AGBL1: variants seen among roughly 807,000 people sequenced by gnomAD.
The protein encoded by AGBL1 is AGBL carboxypeptidase 1.
A neutral mutation model predicts 118.9 loss-of-function variants in AGBL1; 130 were observed. The observed-to-expected ratio is 1.09, with a 90% confidence interval of 0.95 to 1.26. The LOEUF (loss-of-function observed/expected upper bound fraction) is 1.26. Among genes scored for constraint, AGBL1 ranks in the 50% most tolerant of loss-of-function variants. The pLI is 0.00. For missense variants in AGBL1, 1,584 were observed against 1,298.1 expected (o/e 1.22, Z -3.38); for synonymous variants, 555 against 478.9 (o/e 1.16, Z -2.08).
At chr15:86,238,530 G>A (rs190035060) in intron 6 of AGBL1, among the ~76,000 whole-genome samples, 1 of 152,278 alleles carries the variant, frequency 6.6e-6, no homozygotes, top group East Asian at 1.9e-4. Flanking sequence ...TTTCAAACTA[G>A]CAATATTGAA....
At chr15:86,592,669 C>T (rs887754641) in intron 21 of AGBL1, among the ~76,000 whole-genome samples, 6 of 152,178 alleles carry the variant, frequency 3.9e-5, no homozygotes, top group Admixed American at 3.9e-4. Context: ...AACAGTTAAA[C>T]TTTGCCATTT....
intron 21 of AGBL1, among the ~76,000 whole-genome samples, chr15:86,637,731 T>A (rs961572890): frequency 6.6e-6 from 1 of 151,928 alleles, no homozygotes; most frequent in Non-Finnish European, 1.5e-5. Flanking sequence ...GCAGGTAGAA[T>A]CAACAAGACT....
chr15:86,485,787 A>G (rs1406260690), intron 18 of AGBL1, among the ~76,000 whole-genome samples: 2 of 152,132 alleles, frequency 1.3e-5, no homozygotes, highest in Non-Finnish European at 2.9e-5. Context: ...TTGCAGAGGT[A>G]TTCATTCAAA....
chr15:87,011,683 A>G (rs1403721000), intron 24 of AGBL1, among the ~76,000 whole-genome samples: 2 of 152,200 alleles, frequency 1.3e-5, no homozygotes, highest in Non-Finnish European at 2.9e-5. Flanking sequence ...GAGGTGAGAT[A>G]GCTCTCCACT....
At chr15:86,114,033 A>G (rs1355473612) in intron 1 of AGBL1, among the ~76,000 whole-genome samples, 1 of 152,244 alleles carries the variant, frequency 6.6e-6, no homozygotes, top group Admixed American at 6.5e-5. Context: ...TTGAAATAAA[A>G]TATGTGAGTT....
chr15:86,281,644 A>G (rs2079356884), intron 16 of AGBL1, among the ~76,000 whole-genome samples: 2 of 152,142 alleles, frequency 1.3e-5, no homozygotes, highest in South Asian at 4.1e-4. Context: ...AAGAACTGAG[A>G]CCGGAAGTCC....
rs528336717 is a variant in AGBL1 at position 87,028,695 on chromosome 15, T to C, written c.3324-130T>C. ...TCTCTAATCTAAATGTAAGTATGAT[T>C]GTTTATAATCCATAGATGAGGAAAA... is the stretch of plus-strand genomic sequence containing the variant. On this transcript the variant is annotated intron_variant, in intron 24 of 24. Transcript: ENST00000441037. The C allele has an allele frequency of 5.1e-5, 38 of 748,608 alleles. No individual in the cohort carries two copies. In the African/African-American group the frequency reaches 6.1e-4, roughly 12 times the overall value. 46.4% of individuals were successfully genotyped at this position (748,608 alleles called of 1,614,324 possible).
At chr15:86,817,403 T>C (rs980323593) in intron 22 of AGBL1, among the ~76,000 whole-genome samples, 1 of 151,274 alleles carries the variant, frequency 6.6e-6, no homozygotes, top group Non-Finnish European at 1.5e-5. Flanking sequence ...ATGACAGCGA[T>C]GTTGTGGGTT....
At chr15:86,654,214 A>G (rs1489509003) in intron 21 of AGBL1, among the ~76,000 whole-genome samples, 2 of 152,172 alleles carry the variant, frequency 1.3e-5, no homozygotes, top group Non-Finnish European at 2.9e-5. Flanking sequence ...GTCTTTGGTC[A>G]TCTGGATCAC....
intron 23 of AGBL1, among the ~76,000 whole-genome samples, chr15:86,986,884 G>C (rs2081289352): frequency 6.6e-6 from 1 of 152,122 alleles, no homozygotes. Context: ...CAGGCGGGCT[G>C]AGTCTGAAAA....
chr15:86,439,503 A>G (rs907894292), intron 18 of AGBL1, among the ~76,000 whole-genome samples: 6 of 152,120 alleles, frequency 3.9e-5, no homozygotes, highest in Admixed American at 2.0e-4. Context: ...TCATTTTTTT[A>G]TTCTCCAAGG....
At chr15:86,663,555 A>C (rs572801813) in intron 21 of AGBL1, among the ~76,000 whole-genome samples, 1 of 152,260 alleles carries the variant, frequency 6.6e-6, no homozygotes, top group Admixed American at 6.5e-5. Flanking sequence ...CAGTGGTCAC[A>C]ACAGCAAAGG....
chr15:86,381,967 A>G lies in AGBL1; in HGVS notation c.2375-15399A>G, dbSNP rs147230666. Among the ~76,000 whole-genome samples, 20 of 152,268 alleles carry G rather than the reference A, an allele frequency of 1.3e-4. No homozygotes were observed. The East Asian group carries it at 2.5e-3, about 19-fold the overall frequency. On this transcript the variant is annotated intron_variant, in intron 17 of 22. Coordinates refer to ENST00000614907, the MANE Select transcript of AGBL1 (RefSeq NM_001386094.1). ...ATATTTGGAAGAAATAGGAATGGAGAGGACGGAAAATATCCAAAAGGTATT... is the reference window on the plus strand; with the variant it reads ...ATATTTGGAAGAAATAGGAATGGAGGGGACGGAAAATATCCAAAAGGTATT...
chr15:86,727,497 T>C (rs1446007048), intron 22 of AGBL1, among the ~76,000 whole-genome samples: 4 of 152,208 alleles, frequency 2.6e-5, no homozygotes, highest in Non-Finnish European at 4.4e-5. Flanking sequence ...TAGTCCTTGC[T>C]GGATAAAAGA....
chr15:86,724,348 G>GT (rs1408779595), intron 22 of AGBL1, among the ~76,000 whole-genome samples: 1 of 151,994 alleles, frequency 6.6e-6, no homozygotes, highest in Non-Finnish European at 1.5e-5. Context: ...GGGCCAGAAT[G>GT]TTGGAGGGGC....
At chr15:86,301,827 A>G (rs2079752244) in intron 17 of AGBL1, among the ~76,000 whole-genome samples, 1 of 152,104 alleles carries the variant, frequency 6.6e-6, no homozygotes, top group African/African-American at 2.4e-5. Context: ...GGTCACCTGT[A>G]TAAACTCCAC....
intron 22 of AGBL1, among the ~76,000 whole-genome samples, chr15:86,752,663 C>A (rs2077872909): frequency 6.6e-6 from 1 of 152,056 alleles, no homozygotes; most frequent in Non-Finnish European, 1.5e-5. Context: ...TTACTGTTAT[C>A]TATATTTTTC....
At chr15:86,713,547 T>A (rs1306190259) in intron 22 of AGBL1, among the ~76,000 whole-genome samples, 2 of 152,116 alleles carry the variant, frequency 1.3e-5, no homozygotes, top group Non-Finnish European at 2.9e-5. Context: ...GTTGTGGAAA[T>A]TAAAGTATAT....
At chr15:86,792,103 A>G (rs2078502739) in intron 22 of AGBL1, among the ~76,000 whole-genome samples, 3 of 152,168 alleles carry the variant, frequency 2.0e-5, no homozygotes, top group African/African-American at 7.2e-5. Context: ...TTAACATTGT[A>G]TGATTCTATA....
Sources: gnomAD v4.1 joint callset for allele counts (sites outside exome capture counted in the v4.1 genomes callset) on GRCh38, gnomAD v4.1.1 for gene constraint, MANE v1.5 for transcripts, NCBI Gene and HGNC (gene_info 2026-07-23, HGNC 2026-07-21) for gene names.